EYA2: variants seen among roughly 807,000 people sequenced by gnomAD.
The protein encoded by EYA2 is protein phosphatase EYA2.
In EYA2, 31 loss-of-function variants were observed where a neutral mutation model predicts 69.2. The observed-to-expected ratio is 0.45, with a 90% CI of 0.34 to 0.60. The LOEUF is 0.60. EYA2 is among the 20% of genes least tolerant of loss of function. The pLI is 0.02. For synonymous variants in EYA2, 257 were observed against 279.4 expected, an observed-to-expected ratio of 0.92 and a Z score of 0.80; for missense variants, 622 against 701.2, an observed-to-expected ratio of 0.89 and a Z score of 1.28.
At chr20:47,120,479 G>C (rs570920080) in intron 9 of EYA2, among the ~76,000 whole-genome samples, 23 of 152,362 alleles carry the variant, frequency 1.5e-4, no homozygotes, top group African/African-American at 5.5e-4. Context: ...AGACCGCTGA[G>C]CCCAGGCTTG....
intron 1 of EYA2, among the ~76,000 whole-genome samples, chr20:46,924,601 C>G (rs1445684846): frequency 7.2e-6 from 1 of 139,376 alleles, no homozygotes; most frequent in Non-Finnish European, 1.5e-5. Flanking sequence ...ACCCAGGAGG[C>G]GGAGCTTGCA....
At chr20:47,031,609 AT>A (rs1984420669) in intron 5 of EYA2, among the ~76,000 whole-genome samples, 1 of 152,134 alleles carries the variant, frequency 6.6e-6, no homozygotes, top group Non-Finnish European at 1.5e-5. Context: ...ATTACAACTT[AT>A]CCTTTTACTC....
intron 4 of EYA2, among the ~76,000 whole-genome samples, chr20:47,010,562 G>A (rs1234093010): frequency 6.6e-6 from 1 of 151,866 alleles, no homozygotes; most frequent in African/African-American, 2.4e-5. Context: ...CTGGGAGGTC[G>A]AGGCTGCAGT....
chr20:46,925,906 C>A (rs989328950), intron 1 of EYA2, among the ~76,000 whole-genome samples: 5 of 148,992 alleles, frequency 3.4e-5, no homozygotes, highest in East Asian at 5.1e-4. Flanking sequence ...GGGAACTGTC[C>A]AGGTGCTCAC....
At chr20:46,919,487 A>G (rs1359609447) in intron 1 of EYA2, among the ~76,000 whole-genome samples, 1 of 152,108 alleles carries the variant, frequency 6.6e-6, no homozygotes, top group African/African-American at 2.4e-5. Context: ...CTTTCCTTAA[A>G]CCTCCTGAAC....
At chr20:46,979,141 G>A (rs566676788) in intron 1 of EYA2, among the ~76,000 whole-genome samples, 33 of 152,222 alleles carry the variant, frequency 2.2e-4, no homozygotes, top group Non-Finnish European at 4.0e-4. Context: ...ACCATCCTCA[G>A]CCAAGGTAGC....
chr20:47,127,623 C>T (rs542527933), intron 9 of EYA2, among the ~76,000 whole-genome samples: 7 of 152,340 alleles, frequency 4.6e-5, no homozygotes, highest in South Asian at 4.1e-4. Context: ...ACCCTCTGAG[C>T]CTCCTTGGGC....
At chr20:47,050,561 G>A (rs1479684053) in intron 5 of EYA2, among the ~76,000 whole-genome samples, 1 of 152,190 alleles carries the variant, frequency 6.6e-6, no homozygotes, top group African/African-American at 2.4e-5. Flanking sequence ...TGAAAGCCAA[G>A]GTCCGCAGCT....
intron 10 of EYA2, among the ~76,000 whole-genome samples, chr20:47,156,089 T>TACAC (rs748282079): frequency 0.036 from 1,091 of 30,556 alleles, 108 homozygotes; most frequent in East Asian, 0.072. Context: ...TATATATACA[T>TACAC]ACACACACAC....
At position 46,911,965 on chromosome 20, in the gene EYA2, G is replaced by A. The variant is rs140627832; in HGVS notation, c.-11+16978G>A. Among the ~76,000 whole-genome samples, 471 of 152,310 alleles carry A rather than the reference G, an allele frequency of 3.1e-3. 1 individual carries two copies. The highest frequency in any genetic ancestry group is 0.01 in the African/African-American group (435 of 41,552). ...TTCCCAACACAAAGCAATGTTAAAT[G>A]TTTGAGGTGACGGATATTCTAAATA... On this transcript the variant is annotated intron_variant, in intron 1 of 15. Coordinates refer to ENST00000327619, the MANE Select transcript of EYA2 (RefSeq NM_005244.5).
Position 46,918,181 on chromosome 20 carries a change from C to T in EYA2, c.-11+23194C>T, listed in dbSNP as rs372396230. ...TAAAAAATACAAAAAATTAGCCGGG[C>T]GTGGTGGCAGGTGCCTGTAGTCCCA... is the stretch of plus-strand genomic sequence containing the variant. On this transcript the variant is annotated intron_variant, in intron 1 of 15. Transcript: ENST00000327619. Among the ~76,000 whole-genome samples, 19 of 151,690 alleles carry T rather than the reference C, an allele frequency of 1.3e-4. No individual in the cohort carries two copies. In the East Asian group the frequency reaches 1.8e-3, roughly 14 times the overall value.
chr20:47,026,686 A>T (rs1166320652), intron 5 of EYA2, among the ~76,000 whole-genome samples: 1 of 152,206 alleles, frequency 6.6e-6, no homozygotes, highest in African/African-American at 2.4e-5. Context: ...CCGAGCAGTA[A>T]TGTAAAAGAG....
chr20:47,075,586 G>C (rs573011424), intron 7 of EYA2, among the ~76,000 whole-genome samples: 4 of 152,126 alleles, frequency 2.6e-5, no homozygotes, highest in Non-Finnish European at 5.9e-5. Context: ...AGAACAGAAG[G>C]GCAGAGGCTT....
chr20:47,004,544 TC>T (rs1982577317), intron 3 of EYA2, among the ~76,000 whole-genome samples: 1 of 152,178 alleles, frequency 6.6e-6, no homozygotes, highest in South Asian at 2.1e-4. Flanking sequence ...CTCTCTCTCC[TC>T]CACAAGCTGA....
rs8117129 is a variant in EYA2 at position 46,925,108 on chromosome 20, G to A, written c.-11+30121G>A. ...TCTGTCATCACATGGCCTTGTCCCT[G>A]TATGTCTTCATGCAGCTTTTTATAA... On this transcript the variant is annotated intron_variant, in intron 1 of 15. Coordinates refer to ENST00000327619, the MANE Select transcript of EYA2 (RefSeq NM_005244.5). Among the ~76,000 whole-genome samples, 1,460 of 152,284 alleles carry A rather than the reference G, an allele frequency of 9.6e-3. 25 individuals are homozygous for A. Among genetic ancestry groups the A allele is most frequent in the African/African-American group, 0.032 (1,348 of 41,542 alleles).
At chr20:47,065,158 G>C (rs960137727) in intron 5 of EYA2, among the ~76,000 whole-genome samples, 1 of 152,076 alleles carries the variant, frequency 6.6e-6, no homozygotes, top group Non-Finnish European at 1.5e-5. Flanking sequence ...CCTCCCACCA[G>C]GTCCCTCCCA....
At chr20:46,947,327 A>C (rs1477177924) in intron 1 of EYA2, among the ~76,000 whole-genome samples, 2 of 151,990 alleles carry the variant, frequency 1.3e-5, no homozygotes, top group Non-Finnish European at 2.9e-5. Flanking sequence ...ACTGTTTTTA[A>C]ACAACTTTGG....
At chr20:47,085,097 A>G (rs1423719575) in intron 7 of EYA2, among the ~76,000 whole-genome samples, 2 of 151,800 alleles carry the variant, frequency 1.3e-5, no homozygotes, top group African/African-American at 4.8e-5. Flanking sequence ...TTGACCTCCC[A>G]AAGTGCTAGG....
intron 1 of EYA2, among the ~76,000 whole-genome samples, chr20:46,948,745 T>G (rs568405415): frequency 2.0e-5 from 3 of 152,344 alleles, no homozygotes; most frequent in Non-Finnish European, 4.4e-5. Flanking sequence ...CGTAAAAGGT[T>G]GACCCTACTT....
Sources: gnomAD v4.1 joint callset for allele counts (sites outside exome capture counted in the v4.1 genomes callset) on GRCh38, gnomAD v4.1.1 for gene constraint, MANE v1.5 for transcripts, NCBI Gene and HGNC (gene_info 2026-07-23, HGNC 2026-07-21) for gene names.